Variants in AHI1 observed in about 807,000 individuals in gnomAD.
AHI1 encodes Abelson helper integration site 1.
AHI1 carries 123 observed loss-of-function variants against 149.3 expected under a neutral mutation model. The observed-to-expected ratio is 0.82, with a 90% CI of 0.71 to 0.96. The LOEUF (loss-of-function observed/expected upper bound fraction) is 0.96, where lower values mean the gene tolerates loss of function less well. Ranked by LOEUF, AHI1 falls within the 40% of genes least tolerant of loss-of-function variation. AHI1 has a pLI of 0.00. For synonymous variants in AHI1, 475 were observed against 459.8 expected (o/e 1.03, Z -0.42); for missense variants, 1,439 against 1,422.7 (o/e 1.01, Z -0.18).
At chr6:135,357,095 T>A (rs542780306) in intron 24 of AHI1, among the ~76,000 whole-genome samples, 9 of 152,110 alleles carry the variant, frequency 5.9e-5, no homozygotes, top group Non-Finnish European at 1.2e-4. Context: ...TGCACCACCA[T>A]GCCCAGATAA....
At chr6:135,418,230 G>A (rs181933688) in intron 20 of AHI1, among the ~76,000 whole-genome samples, 2 of 152,080 alleles carry the variant, frequency 1.3e-5, no homozygotes, top group African/African-American at 4.8e-5. Context: ...TTGAGGTTTC[G>A]ACCTTCTGAA....
Position 135,442,566 on chromosome 6 carries a change from T to G in AHI1, c.1912+16A>C. ...GTGGACTACAATCAGATTAAACAGG[T>G]AGGATTATTACTCACAAATAATTGG... is the stretch of plus-strand genomic sequence containing the variant. On this transcript the variant is annotated intron_variant, in intron 14 of 28. Transcript: ENST00000265602. 1 of 1,598,758 alleles carries G rather than the reference T, an allele frequency of 6.3e-7. No homozygotes were observed. Among genetic ancestry groups the G allele is most frequent in the African/African-American group, 1.3e-5 (1 of 74,770 alleles).
At chr6:135,385,007 T>G (rs573308029) in intron 23 of AHI1, among the ~76,000 whole-genome samples, 14 of 152,244 alleles carry the variant, frequency 9.2e-5, no homozygotes, top group Non-Finnish European at 2.1e-4. Flanking sequence ...GAGAATCACT[T>G]GAACCTGGGG....
At chr6:135,489,225 A>G (rs759078217) in intron 5 of AHI1, among the ~76,000 whole-genome samples, 1 of 152,172 alleles carries the variant, frequency 6.6e-6, no homozygotes, top group South Asian at 2.1e-4. Flanking sequence ...AAAGAAGCCT[A>G]TTCAGTCCTG....
chr6:135,439,916 C>G (rs1023133332), intron 14 of AHI1, among the ~76,000 whole-genome samples: 4 of 152,076 alleles, frequency 2.6e-5, no homozygotes, highest in Non-Finnish European at 5.9e-5. Context: ...ATCTCCTCCC[C>G]ACAGAAGCAA....
chr6:135,471,222 G>A (rs969493458), intron 5 of AHI1, among the ~76,000 whole-genome samples: 4 of 152,062 alleles, frequency 2.6e-5, no homozygotes, highest in African/African-American at 9.7e-5. Context: ...AGAAAAGGCT[G>A]TTTTTTGTTT....
At chr6:135,432,063 T>C (rs1195695751) in intron 16 of AHI1, among the ~76,000 whole-genome samples, 1 of 151,830 alleles carries the variant, frequency 6.6e-6, no homozygotes, top group Non-Finnish European at 1.5e-5. Flanking sequence ...AGTCTTTATG[T>C]CTCTTTTATA....
At chr6:135,291,144 G>GA (rs199915453) in intron 27 of AHI1, among the ~76,000 whole-genome samples, 29 of 149,422 alleles carry the variant, frequency 1.9e-4, no homozygotes, top group Admixed American at 7.3e-4. Context: ...CAAAAACAAT[G>GA]AAAAAAAAAG....
chr6:135,433,938 T>C (rs113371803), intron 15 of AHI1, among the ~76,000 whole-genome samples: 4 of 152,216 alleles, frequency 2.6e-5, no homozygotes, highest in Admixed American at 6.5e-5. Context: ...TTATCACTGC[T>C]ACAGTCTTGA....
intron 23 of AHI1, among the ~76,000 whole-genome samples, chr6:135,389,928 C>T (rs1778229198): frequency 1.3e-5 from 2 of 152,212 alleles, no homozygotes; most frequent in Non-Finnish European, 1.5e-5. Context: ...GCAAGCTTGT[C>T]CAACCCATGG....
intron 20 of AHI1, among the ~76,000 whole-genome samples, chr6:135,412,730 T>A (rs1781787528): frequency 6.6e-6 from 1 of 152,200 alleles, no homozygotes; most frequent in Admixed American, 6.5e-5. Context: ...TTTAAAAAAG[T>A]ATTTCCTTAG....
At chr6:135,482,453 A>T (rs913362870) in intron 5 of AHI1, among the ~76,000 whole-genome samples, 5 of 151,620 alleles carry the variant, frequency 3.3e-5, no homozygotes, top group African/African-American at 1.2e-4. Flanking sequence ...TGGACAGGCC[A>T]TGCCAGCCCA....
chr6:135,434,899 T>C (rs371860855), intron 15 of AHI1, among the ~76,000 whole-genome samples: 9 of 152,138 alleles, frequency 5.9e-5, no homozygotes, highest in Admixed American at 5.2e-4. Context: ...CTGACTGTAT[T>C]AGAAGTTGTT....
chr6:135,362,378 A>C (rs543511512), intron 23 of AHI1, among the ~76,000 whole-genome samples: 1 of 152,260 alleles, frequency 6.6e-6, no homozygotes, highest in East Asian at 1.9e-4. Context: ...GATTTTGCTA[A>C]TTGAAACTAA....
intron 26 of AHI1, chr6:135,302,088 C>A (rs1214474001): frequency 1.0e-6 from 1 of 972,866 alleles, no homozygotes; most frequent in Non-Finnish European, 1.2e-6. Context: ...AACTCCTGGG[C>A]TCAAGCAATC....
At chr6:135,445,374 C>T (rs921401441) in intron 13 of AHI1, among the ~76,000 whole-genome samples, 1 of 152,058 alleles carries the variant, frequency 6.6e-6, no homozygotes, top group East Asian at 1.9e-4. Context: ...CTTGCCACTG[C>T]ATAAAATGCT....
chr6:135,293,803 C>T (rs953322285), intron 27 of AHI1, among the ~76,000 whole-genome samples: 2 of 152,176 alleles, frequency 1.3e-5, no homozygotes, highest in South Asian at 4.1e-4. Flanking sequence ...TGTCAATTCT[C>T]TCCAAATTAG....
intron 20 of AHI1, among the ~76,000 whole-genome samples, chr6:135,425,237 TTA>T (rs1201848755): frequency 6.6e-6 from 1 of 152,008 alleles, no homozygotes; most frequent in Non-Finnish European, 1.5e-5. Flanking sequence ...ATTTGAATAT[TTA>T]GATTTCTAAA....
At chr6:135,475,384 T>A (rs1005423754) in intron 5 of AHI1, among the ~76,000 whole-genome samples, 3 of 152,352 alleles carry the variant, frequency 2.0e-5, no homozygotes, top group South Asian at 2.1e-4. Flanking sequence ...AAGAAGGGCA[T>A]ATTTTTAGGA....
Sources: gnomAD v4.1 joint callset for allele counts (sites outside exome capture counted in the v4.1 genomes callset) on GRCh38, gnomAD v4.1.1 for gene constraint, MANE v1.5 for transcripts, NCBI Gene and HGNC (gene_info 2026-07-23, HGNC 2026-07-21) for gene names.